Variants in AGBL4 observed in about 807,000 individuals in gnomAD.
AGBL4 encodes the protein AGBL carboxypeptidase 4.
In AGBL4, 58 loss-of-function variants were observed where a neutral mutation model predicts 66.4. That is an observed-to-expected ratio of 0.87 (90% confidence interval 0.71 to 1.09). The LOEUF is 1.09. Ranked by LOEUF, AGBL4 falls within the 50% of genes least tolerant of loss-of-function variation. AGBL4 has a pLI of 0.00. For missense variants in AGBL4, 579 were observed against 631.0 expected (o/e 0.92, Z 0.88); for synonymous variants, 234 against 222.9 (o/e 1.05, Z -0.44).
intron 6 of AGBL4, among the ~76,000 whole-genome samples, chr1:48,684,949 C>T (rs1355592002): frequency 6.6e-6 from 1 of 152,194 alleles, no homozygotes; most frequent in Non-Finnish European, 1.5e-5. Context: ...CTTCACTTCT[C>T]AGGCCTGAGA....
rs371988563 is a variant in AGBL4, at chr1:49,997,849, C to T, written c.34+25914G>A. On this transcript the variant is annotated intron_variant, in intron 1 of 13. Transcript: ENST00000371839. ...AAATTTAAGAAAATCAAAATTATAT[C>T]AAGTACTTTCTCAGACCACAGTAGA... Among the ~76,000 whole-genome samples, 209 of 152,164 alleles carry T rather than the reference C, an allele frequency of 1.4e-3. 1 individual carries two copies. The highest frequency in any genetic ancestry group is 4.7e-3 in the African/African-American group (196 of 41,538).
At chr1:48,528,919 G>A (rs1643892742), downstream of AGBL4, among the ~76,000 whole-genome samples, 1 of 151,990 alleles carries the variant, frequency 6.6e-6, no homozygotes, top group Admixed American at 6.5e-5. Context: ...TCTCTTTTTA[G>A]TCTAGTTATT....
At chr1:49,967,972 C>A (rs1301746102) in intron 1 of AGBL4, among the ~76,000 whole-genome samples, 7 of 152,042 alleles carry the variant, frequency 4.6e-5, no homozygotes, top group Admixed American at 4.6e-4. Flanking sequence ...GCCTATAATT[C>A]CAGCACTTTG....
intron 3 of AGBL4, among the ~76,000 whole-genome samples, chr1:49,518,154 A>C (rs912669610): frequency 5.3e-5 from 8 of 152,092 alleles, no homozygotes; most frequent in African/African-American, 1.9e-4. Context: ...AAGTGCTGTG[A>C]TATAAGGATG....
chr1:49,271,834 T>C (rs1201103283), intron 3 of AGBL4, among the ~76,000 whole-genome samples: 1 of 152,174 alleles, frequency 6.6e-6, no homozygotes, highest in African/African-American at 2.4e-5. Flanking sequence ...TCTATTTTCC[T>C]TCTAGTTTCA....
intron 9 of AGBL4, among the ~76,000 whole-genome samples, chr1:48,601,839 C>T (rs1237992528): frequency 6.6e-6 from 1 of 152,034 alleles, no homozygotes; most frequent in Non-Finnish European, 1.5e-5. Flanking sequence ...CCTATGTGCT[C>T]AGTTCTGTAT....
At chr1:48,656,047 C>T (rs558315500) in intron 7 of AGBL4, among the ~76,000 whole-genome samples, 5 of 152,168 alleles carry the variant, frequency 3.3e-5, no homozygotes, top group Non-Finnish European at 5.9e-5. Flanking sequence ...CTTGTTCCTT[C>T]TGTAAACAAG....
At chr1:49,313,185 C>G (rs1187337896) in intron 3 of AGBL4, among the ~76,000 whole-genome samples, 1 of 152,102 alleles carries the variant, frequency 6.6e-6, no homozygotes, top group Non-Finnish European at 1.5e-5. Context: ...TCATCCATGT[C>G]CCTGCAAAGG....
intron 6 of AGBL4, among the ~76,000 whole-genome samples, chr1:48,837,703 C>CTATATATATATATATAT (rs1382300748): frequency 1.0e-5 from 1 of 97,964 alleles, no homozygotes; most frequent in Non-Finnish European, 2.0e-5. Flanking sequence ...CACACGCACA[C>CTATATATATATATATAT]ACACACACTA....
At chr1:49,841,096 A>G (rs190115032) in intron 2 of AGBL4, among the ~76,000 whole-genome samples, 57 of 152,354 alleles carry the variant, frequency 3.7e-4, no homozygotes, top group Non-Finnish European at 5.9e-4. Context: ...CTGTATACTT[A>G]GAAAACCCTA....
intron 4 of AGBL4, among the ~76,000 whole-genome samples, chr1:49,239,499 T>C (rs1651043757): frequency 6.6e-6 from 1 of 152,026 alleles, no homozygotes; most frequent in Non-Finnish European, 1.5e-5. Context: ...AAAGTAGAAA[T>C]CATTATTATT....
intron 3 of AGBL4, among the ~76,000 whole-genome samples, chr1:49,396,660 A>C (rs1231480298): frequency 6.6e-6 from 1 of 152,208 alleles, no homozygotes; most frequent in Admixed American, 6.5e-5. Flanking sequence ...TACTGTGTGA[A>C]AAAAGCAGAA....
downstream of AGBL4, among the ~76,000 whole-genome samples, chr1:48,530,718 A>G (rs1643900060): frequency 6.6e-6 from 1 of 152,186 alleles, no homozygotes; most frequent in African/African-American, 2.4e-5. Context: ...ATACAGAGCA[A>G]AACTAGCACT....
chr1:48,836,719 A>G (rs12025505), intron 6 of AGBL4, among the ~76,000 whole-genome samples: 74,569 of 151,928 alleles, frequency 0.49, 21,144 homozygotes, highest in Non-Finnish European at 0.65. Flanking sequence ...GTGTCTTAAC[A>G]TGCCTTGTCT....
intron 6 of AGBL4, among the ~76,000 whole-genome samples, chr1:48,809,550 C>T (rs191861840): frequency 9.6e-4 from 146 of 152,246 alleles, no homozygotes; most frequent in Non-Finnish European, 1.7e-3. Flanking sequence ...CATACAATGC[C>T]ACTTGGAGAC....
chr1:49,198,748 T>G (rs968324529), intron 4 of AGBL4, among the ~76,000 whole-genome samples: 3 of 150,138 alleles, frequency 2.0e-5, no homozygotes, highest in African/African-American at 7.3e-5. Flanking sequence ...AAACTTGCGT[T>G]TTTTTTTTTT....
intron 1 of AGBL4, among the ~76,000 whole-genome samples, chr1:49,864,033 A>G (rs575597571): frequency 6.6e-6 from 1 of 152,328 alleles, no homozygotes; most frequent in South Asian, 2.1e-4. Flanking sequence ...AGATGAATGG[A>G]TAAAGAAAAT....
chr1:49,060,303 A>G (rs2147909342), intron 4 of AGBL4, among the ~76,000 whole-genome samples: 1 of 152,250 alleles, frequency 6.6e-6, no homozygotes, highest in African/African-American at 2.4e-5. Context: ...CATTATGTGA[A>G]GAAGGATGTG....
chr1:48,686,766 G>T (rs75513417), intron 6 of AGBL4, among the ~76,000 whole-genome samples: 8,990 of 152,160 alleles, frequency 0.059, 866 homozygotes, highest in African/African-American at 0.21. Flanking sequence ...GTGAAGTCAC[G>T]TCCTCGCTCT....
Sources: gnomAD v4.1 joint callset for allele counts (sites outside exome capture counted in the v4.1 genomes callset) on GRCh38, gnomAD v4.1.1 for gene constraint, MANE v1.5 for transcripts, NCBI Gene and HGNC (gene_info 2026-07-23, HGNC 2026-07-21) for gene names.